Variants in WDR27 observed in about 807,000 individuals in gnomAD.
WDR27 encodes the protein WD repeat-containing protein 27.
In WDR27, 100 loss-of-function variants were observed where a neutral mutation model predicts 114.4. That is an observed-to-expected ratio of 0.87 (90% CI 0.74 to 1.03). The LOEUF (loss-of-function observed/expected upper bound fraction) is 1.03. WDR27 is among the 50% of genes least tolerant of loss of function. WDR27 has a pLI of 0.00. For synonymous variants in WDR27, 449 were observed against 423.1 expected (o/e 1.06, Z -0.75); for missense variants, 1,129 against 1,092.9 (o/e 1.03, Z -0.47).
intron 25 of WDR27, among the ~76,000 whole-genome samples, chr6:169,522,457 T>C (rs1794493590): frequency 6.6e-6 from 1 of 152,022 alleles, no homozygotes; most frequent in Non-Finnish European, 1.5e-5. Context: ...GCTACACCCT[T>C]GACCAAATAG....
Position 169,645,016 on chromosome 6 carries a change from A to T in WDR27, c.1658-1230T>A, listed in dbSNP as rs1177034114. On this transcript the variant is annotated intron_variant, in intron 16 of 25. Coordinates refer to ENST00000448612, the MANE Select transcript of WDR27 (RefSeq NM_182552.5). The stretch of plus-strand genomic sequence containing the variant: ...AGAGCGAGACTCCGTCTCAAAAAAA[A>T]AAAAAATAAAAAAAAAAAATAAAAA... Among the ~76,000 whole-genome samples the T allele has an allele frequency of 4.3e-4, 43 of 100,818 alleles. 4 individuals carry two copies. The highest frequency in any genetic ancestry group is 4.8e-4 in the Non-Finnish European group (27 of 56,562). The allele number at this position is 100,818 out of a possible 152,430, so 66.1% of individuals were successfully genotyped here.
At chr6:169,631,294 G>GA (rs199743319) in intron 21 of WDR27, among the ~76,000 whole-genome samples, 4,341 of 151,982 alleles carry the variant, frequency 0.029, 153 homozygotes, top group African/African-American at 0.085. Context: ...TAAACAAAAA[G>GA]AAAAAATGCA....
At chr6:169,471,255 C>A (rs544214328) in intron 25 of WDR27, among the ~76,000 whole-genome samples, 5 of 151,962 alleles carry the variant, frequency 3.3e-5, no homozygotes, top group Admixed American at 1.3e-4. Flanking sequence ...GCCATAGCTG[C>A]AAATCTCAGT....
rs117621865 is a variant in WDR27 at position 169,476,805 on chromosome 6, T to A, written c.2646-19171A>T. On this transcript the variant is annotated intron_variant, in intron 25 of 25. Coordinates refer to ENST00000448612, the MANE Select transcript of WDR27 (RefSeq NM_182552.5). The stretch of plus-strand genomic sequence containing the variant: ...CTAGATACTGCATGCAGTGACCTTG[T>A]TGAATTATGTTAGTTATAATAGCAT... Among the ~76,000 whole-genome samples, 760 of 152,362 alleles carry A rather than the reference T, an allele frequency of 5.0e-3. 5 individuals carry two copies. The highest frequency in any genetic ancestry group is 0.017 in the South Asian group (82 of 4,828).
intron 7 of WDR27, chr6:169,664,795 A>G (rs1827312206): frequency 1.0e-6 from 1 of 995,274 alleles, no homozygotes; most frequent in Non-Finnish European, 1.2e-6. Context: ...AAAAAGGCCA[A>G]CATCTTCAGG....
rs568835412 is a variant in WDR27 at position 169,639,610 on chromosome 6, G to A, written c.1748-950C>T. Among the ~76,000 whole-genome samples, 5 of 152,306 alleles carry A rather than the reference G, an allele frequency of 3.3e-5. 1 individual carries two copies. The East Asian group carries it at 9.7e-4, about 29-fold the overall frequency. ...CGCCAATGCTGGTCTTCAGGTGTCT[G>A]AATATCAGCAGTGTGTGCTGCTCTG... On this transcript the variant is annotated intron_variant, in intron 17 of 25. Coordinates refer to ENST00000448612, the MANE Select transcript of WDR27 (RefSeq NM_182552.5).
chr6:169,626,220 C>G (rs995848407), intron 21 of WDR27, among the ~76,000 whole-genome samples: 4 of 152,174 alleles, frequency 2.6e-5, no homozygotes, highest in Non-Finnish European at 4.4e-5. Context: ...ATAGGTGGGA[C>G]AGAAGACGGC....
At chr6:169,480,584 T>C (rs1339571345) in intron 25 of WDR27, among the ~76,000 whole-genome samples, 4 of 152,140 alleles carry the variant, frequency 2.6e-5, no homozygotes, top group Non-Finnish European at 5.9e-5. Flanking sequence ...TGTGTCTAGC[T>C]TGGGTTTGTG....
intron 25 of WDR27, among the ~76,000 whole-genome samples, chr6:169,463,989 C>A (rs1173754858): frequency 6.6e-6 from 1 of 152,156 alleles, no homozygotes; most frequent in Non-Finnish European, 1.5e-5. Context: ...TCAATATGAT[C>A]CCTATCAAAA....
intron 22 of WDR27, among the ~76,000 whole-genome samples, chr6:169,612,252 T>C (rs1226532700): frequency 1.3e-5 from 2 of 151,176 alleles, no homozygotes; most frequent in African/African-American, 4.9e-5. Context: ...ACCCCATCTC[T>C]ACTAAAAATA....
In WDR27 at chr6:169,508,917, G is replaced by T. The variant is rs189195598; in HGVS notation, c.2646-51283C>A. On this transcript the variant is annotated intron_variant, in intron 25 of 25. Transcript: ENST00000448612. Reference sequence around the variant, plus strand: ...CAGAAACGGAAGCTACATGTCCTGAGCTGCCCTCCACACAGCAGCCACATG... The same window carrying T: ...CAGAAACGGAAGCTACATGTCCTGATCTGCCCTCCACACAGCAGCCACATG... Among the ~76,000 whole-genome samples the T allele has an allele frequency of 3.3e-3, 503 of 152,300 alleles. 2 individuals are homozygous for T. The highest frequency in any genetic ancestry group is 0.011 in the African/African-American group (471 of 41,556).
intron 25 of WDR27, among the ~76,000 whole-genome samples, chr6:169,529,164 G>A (rs1423177678): frequency 6.6e-6 from 1 of 152,090 alleles, no homozygotes. Context: ...CTAAGGAGGT[G>A]AAAAATCAGG....
chr6:169,620,316 G>T (rs1246159119), intron 21 of WDR27, among the ~76,000 whole-genome samples: 1 of 152,154 alleles, frequency 6.6e-6, no homozygotes, highest in Non-Finnish European at 1.5e-5. Flanking sequence ...AAGTAAGATA[G>T]CTACAAAGAT....
At chr6:169,634,707 G>T (rs1191293994) in intron 19 of WDR27, among the ~76,000 whole-genome samples, 182 bp from the exon 20 acceptor site, 1 of 152,096 alleles carries the variant, frequency 6.6e-6, no homozygotes, top group African/African-American at 2.4e-5. Flanking sequence ...AAAAAAACCT[G>T]TTTTTCTATT....
chr6:169,645,969 G>A (rs924392148), intron 16 of WDR27, among the ~76,000 whole-genome samples: 6 of 150,992 alleles, frequency 4.0e-5, no homozygotes, highest in African/African-American at 7.3e-5. Flanking sequence ...TAGTTCATAC[G>A]ACTCACACTG....
chr6:169,583,510 T>TAC (rs1432216672), intron 23 of WDR27, among the ~76,000 whole-genome samples: 51 of 29,924 alleles, frequency 1.7e-3, no homozygotes, highest in Non-Finnish European at 3.8e-3. Flanking sequence ...TATATGTATA[T>TAC]ATACACACAC....
chr6:169,689,743 T>A (rs765101112), intron 1 of WDR27, among the ~76,000 whole-genome samples: 12 of 152,252 alleles, frequency 7.9e-5, no homozygotes, highest in Non-Finnish European at 1.8e-4. Flanking sequence ...CACACCCCAC[T>A]GCAGGCCGGC....
At chr6:169,452,383 T>A (rs16888031), downstream of WDR27, among the ~76,000 whole-genome samples, 1,983 of 152,390 alleles carry the variant, frequency 0.013, 41 homozygotes, top group African/African-American at 0.041. Flanking sequence ...TGTAGATTAC[T>A]GACACGCGGT....
chr6:169,597,877 TAC>T (rs67336814), intron 23 of WDR27, among the ~76,000 whole-genome samples: 54,111 of 141,932 alleles, frequency 0.38, 11,706 homozygotes, highest in Non-Finnish European at 0.51. Flanking sequence ...TTACCATTCA[TAC>T]ACACACACAC....
Sources: gnomAD v4.1 joint callset for allele counts (sites outside exome capture counted in the v4.1 genomes callset) on GRCh38, gnomAD v4.1.1 for gene constraint, MANE v1.5 for transcripts, NCBI Gene and HGNC (gene_info 2026-07-23, HGNC 2026-07-21) for gene names.